The following FBXO36 variants were observed in gnomAD, a reference collection of about 807,000 sequenced individuals.
FBXO36 encodes F-box only protein 36.
In FBXO36, 18 loss-of-function variants were observed where a neutral mutation model predicts 17.0. The ratio of observed to expected loss-of-function variants is 1.06; its 90% CI spans 0.73 to 1.57. The LOEUF is 1.57. Ranked by LOEUF, FBXO36 falls within the 40% of genes most tolerant of loss-of-function variation. The probability of loss-of-function intolerance (pLI) is 0.00; values close to 1 mark genes in which losing one functional copy is unlikely to be tolerated. For synonymous variants in FBXO36, 83 were observed against 85.3 expected, an observed-to-expected ratio of 0.97 and a Z score of 0.15; for missense variants, 229 against 221.9, an observed-to-expected ratio of 1.03 and a Z score of -0.20.
At chr2:229,932,868 G>A in intron 1 of FBXO36, 1 of 328,760 alleles carries the variant, frequency 3.0e-6, no homozygotes, top group Admixed American at 3.2e-5. Context: ...TGGAGTTGGA[G>A]ACCAGCCTGA....
At chr2:229,948,637 G>A (rs1279026255) in intron 1 of FBXO36, among the ~76,000 whole-genome samples, 2 of 151,926 alleles carry the variant, frequency 1.3e-5, no homozygotes, top group Non-Finnish European at 2.9e-5. Flanking sequence ...CTACACAGAA[G>A]AGTCTGTGAG....
intron 3 of FBXO36, among the ~76,000 whole-genome samples, chr2:230,005,569 T>C (rs1431747286): frequency 6.6e-6 from 1 of 152,220 alleles, no homozygotes; most frequent in Admixed American, 6.5e-5. Context: ...ATAGGTAGTA[T>C]ACTGGGACTA....
chr2:229,934,644 T>G (rs906131051), intron 1 of FBXO36, among the ~76,000 whole-genome samples: 3 of 152,154 alleles, frequency 2.0e-5, no homozygotes, highest in African/African-American at 7.2e-5. Flanking sequence ...CTATGACTGT[T>G]TCATTTTCCT....
intron 1 of FBXO36, among the ~76,000 whole-genome samples, chr2:229,971,004 C>T (rs182092984): frequency 2.0e-4 from 31 of 152,226 alleles, no homozygotes; most frequent in African/African-American, 7.5e-4. Context: ...CATCAACACA[C>T]AAAAATTGTC....
intron 1 of FBXO36, chr2:229,973,306 CTTA>C (rs2077190564): frequency 6.6e-6 from 1 of 152,040 alleles, no homozygotes; most frequent in African/African-American, 2.4e-5. Context: ...TAGAAAATAT[CTTA>C]TTATTGTGTT....
intron 1 of FBXO36, among the ~76,000 whole-genome samples, chr2:229,946,927 G>A (rs1046703949): frequency 2.0e-5 from 3 of 152,312 alleles, no homozygotes; most frequent in East Asian, 3.9e-4. Context: ...AGCACTTTGG[G>A]AGGCTGAGGC....
Position 229,939,852 on chromosome 2 carries a change from TGGGCGGATCACCCGA to T in FBXO36, c.96+17246_96+17260del, listed in dbSNP as rs2076988520. Among the ~76,000 whole-genome samples the T allele has an allele frequency of 2.0e-5, 3 of 152,048 alleles. No individual in the cohort carries two copies. In the South Asian group the frequency reaches 6.2e-4, roughly 32 times the overall value. On this transcript the variant is annotated intron_variant, in intron 1 of 3. Coordinates refer to ENST00000283946, the MANE Select transcript of FBXO36 (RefSeq NM_174899.5). ...ATCCCAGCACTTTGAGAGGCCAGGG[TGGGCGGATCACCCGA>T]GGTCGGGAGTTTGAGACCAGCCTGA...
At chr2:229,932,189 G>A (rs2076942145) in intron 1 of FBXO36, among the ~76,000 whole-genome samples, 1 of 152,106 alleles carries the variant, frequency 6.6e-6, no homozygotes, top group African/African-American at 2.4e-5. Flanking sequence ...AGACCAGCCT[G>A]ACCAACATGG....
chr2:229,973,174 A>G (rs1467502463), intron 1 of FBXO36: 2 of 152,032 alleles, frequency 1.3e-5, no homozygotes, highest in African/African-American at 2.4e-5. Context: ...TATGATAGCT[A>G]TTGCCAAACC....
chr2:229,954,233 G>GTTTTTTT (rs1283205428), intron 1 of FBXO36, among the ~76,000 whole-genome samples: 14 of 33,130 alleles, frequency 4.2e-4, no homozygotes, highest in Non-Finnish European at 7.5e-4. Context: ...AAACCCTTTG[G>GTTTTTTT]ATTTTTTTTT....
rs770981717 is a variant in FBXO36, at chr2:229,999,177, A to C, written c.378+2254A>C. ...AGTCTTTCTCTGTCGCCCAGGCCAG[A>C]GTGCAATGGCATGATCTCCGCTGAC... On this transcript the variant is annotated intron_variant, in intron 3 of 3. Coordinates refer to ENST00000283946, the MANE Select transcript of FBXO36 (RefSeq NM_174899.5). Among the ~76,000 whole-genome samples, 201 of 143,092 alleles carry C rather than the reference A, an allele frequency of 1.4e-3. 1 individual carries two copies. Among genetic ancestry groups the C allele is most frequent in the Non-Finnish European group, 4.5e-4 (30 of 66,674 alleles). The allele number at this position is 143,092 out of a possible 152,430, so 93.9% of individuals were successfully genotyped here.
chr2:230,003,209 TA>T (rs397872634), intron 3 of FBXO36, among the ~76,000 whole-genome samples: 63,057 of 104,642 alleles, frequency 0.6, 17,653 homozygotes, highest in East Asian at 0.7. Flanking sequence ...GACTCCGTCT[TA>T]AAAAAAAAAA....
intron 1 of FBXO36, among the ~76,000 whole-genome samples, chr2:229,954,794 G>T (rs1451689963): frequency 6.6e-6 from 1 of 150,904 alleles, no homozygotes; most frequent in Non-Finnish European, 1.5e-5. Context: ...TGATCCGCCT[G>T]CCTCGGCCTC....
intron 1 of FBXO36, among the ~76,000 whole-genome samples, chr2:229,958,182 T>A (rs558101708): frequency 5.4e-5 from 8 of 149,508 alleles, no homozygotes; most frequent in Non-Finnish European, 7.4e-5. Flanking sequence ...AAATTTTTTT[T>A]AAAAACTTCA....
chr2:230,007,487 G>A (rs994156614), intron 3 of FBXO36, among the ~76,000 whole-genome samples: 4 of 152,194 alleles, frequency 2.6e-5, no homozygotes, highest in African/African-American at 7.2e-5. Flanking sequence ...AAACACAGAT[G>A]CCAGGCCCAT....
chr2:229,935,382 G>A (rs1036387694), intron 1 of FBXO36, among the ~76,000 whole-genome samples: 2 of 152,128 alleles, frequency 1.3e-5, no homozygotes, highest in East Asian at 3.9e-4. Flanking sequence ...ATGTGGTGGT[G>A]CATGCCTGTA....
intron 2 of FBXO36, among the ~76,000 whole-genome samples, chr2:229,994,633 CG>C (rs2077315685): frequency 6.6e-6 from 1 of 152,122 alleles, no homozygotes; most frequent in African/African-American, 2.4e-5. Context: ...GGAAGGTGGT[CG>C]CCAAATATTG....
intron 1 of FBXO36, among the ~76,000 whole-genome samples, chr2:229,971,315 A>T (rs1009829425): frequency 1.3e-5 from 2 of 151,722 alleles, no homozygotes; most frequent in African/African-American, 4.8e-5. Context: ...AGATCACGCC[A>T]CTGAACTCCA....
chr2:229,946,765 G>A (rs191344043), intron 1 of FBXO36, among the ~76,000 whole-genome samples: 6 of 152,292 alleles, frequency 3.9e-5, no homozygotes, highest in Admixed American at 3.3e-4. Context: ...AATGTTCAGC[G>A]TGCACATGGT....
Sources: gnomAD v4.1 joint callset for allele counts (sites outside exome capture counted in the v4.1 genomes callset) on GRCh38, gnomAD v4.1.1 for gene constraint, MANE v1.5 for transcripts, NCBI Gene and HGNC (gene_info 2026-07-23, HGNC 2026-07-21) for gene names.